The following PCDHGB2 variants were observed in gnomAD, a reference collection of about 807,000 sequenced individuals.
The protein encoded by PCDHGB2 is protocadherin gamma-B2.
A neutral mutation model predicts 59.3 loss-of-function variants in PCDHGB2; 55 were observed. That is an observed-to-expected ratio of 0.93 (90% confidence interval 0.75 to 1.16). The LOEUF is 1.16. Ranked by LOEUF, PCDHGB2 falls within the 50% of genes most tolerant of loss-of-function variation. The pLI, the probability that PCDHGB2 is intolerant of heterozygous loss-of-function variation, is 0.00. For synonymous variants in PCDHGB2, 516 were observed against 512.0 expected, an observed-to-expected ratio of 1.01 and a Z score of -0.11; for missense variants, 1,228 against 1,198.5, an observed-to-expected ratio of 1.02 and a Z score of -0.36.
chr5:141,389,006 C>G, intron 1 of PCDHGB2: 1 of 1,613,986 alleles, frequency 6.2e-7, no homozygotes, highest in South Asian at 1.1e-5. Context: ...ACAAGGATTC[C>G]AGACACAATG....
Position 141,489,764 on chromosome 5 carries a change from A to G in PCDHGB2, c.2422-5043A>G. ...GTGAGCTTTTACACTCTAAGCCCCA[A>G]CAGCCACTTCTCTCTGAATGTGAAG... is the stretch of plus-strand genomic sequence containing the variant. On this transcript the variant is annotated intron_variant, in intron 1 of 3. Transcript: ENST00000522605. The surrounding 1 kb of genome is among the most constrained non-coding windows in gnomAD (Gnocchi z 4.5). 2 of 1,613,556 alleles carry G rather than the reference A, an allele frequency of 1.2e-6. No homozygotes were observed. The highest frequency in any genetic ancestry group is 1.7e-6 in the Non-Finnish European group (2 of 1,179,894).
At chr5:141,393,447 C>T (rs753693736) in intron 1 of PCDHGB2, 3 of 1,614,052 alleles carry the variant, frequency 1.9e-6, no homozygotes, top group East Asian at 4.5e-5. Context: ...CCACCTGGTC[C>T]TCACGGCCTC....
chr5:141,417,771 C>G, intron 1 of PCDHGB2: 1 of 1,456,488 alleles, frequency 6.9e-7, no homozygotes, highest in Non-Finnish European at 9.1e-7. Flanking sequence ...CGGGACTCCT[C>G]CTGTCCTGGG....
rs766387243 is a variant in PCDHGB2 at position 141,489,017 on chromosome 5, TCTC to T, written c.2422-5782_2422-5780del. The stretch of plus-strand genomic sequence containing the variant: ...GGGAGATCTGCTCTTCCAGCCCGCC[TCTC>T]CTCCTCCAGCTCCCCAGCTCCACTC... On this transcript the variant is annotated intron_variant, in intron 1 of 3. Transcript: ENST00000522605. This position sits in a 1 kb window ranked among gnomAD's most constrained non-coding sequence, Gnocchi z 4.5. 2 of 435,354 alleles carry T rather than the reference TCTC, an allele frequency of 4.6e-6. No individual in the cohort carries two copies. Among genetic ancestry groups the T allele is most frequent in the Non-Finnish European group, 8.1e-6 (2 of 247,876 alleles). The allele number at this position is 435,354 out of a possible 1,614,324, so 27.0% of individuals were successfully genotyped here. A position where few individuals can be genotyped will look rare whatever the true frequency, so the allele number is the denominator to read the frequency against.
chr5:141,364,354 G>C (rs1256054518), intron 1 of PCDHGB2: 1 of 1,554,444 alleles, frequency 6.4e-7, no homozygotes, highest in Non-Finnish European at 8.7e-7. Context: ...CTAGGGGCTG[G>C]GGCTGCGGAG....
intron 1 of PCDHGB2, chr5:141,422,047 A>G: frequency 6.2e-7 from 1 of 1,611,610 alleles, no homozygotes; most frequent in Non-Finnish European, 8.5e-7. Context: ...AGACGAGGGA[A>G]TCAACGGGGA....
intron 1 of PCDHGB2, among the ~76,000 whole-genome samples, chr5:141,454,379 T>A (rs770736083): frequency 1.2e-3 from 179 of 152,316 alleles, no homozygotes; most frequent in Non-Finnish European, 2.1e-3. Flanking sequence ...TGGCAACTTG[T>A]CAAGATGAAG....
intron 1 of PCDHGB2, among the ~76,000 whole-genome samples, chr5:141,492,876 G>A (rs2099744774): frequency 6.6e-6 from 1 of 152,184 alleles, no homozygotes; most frequent in African/African-American, 2.4e-5. Context: ...TCAACCCCCA[G>A]AGATACAGGC....
At chr5:141,499,247 A>C (rs908111927) in intron 2 of PCDHGB2, among the ~76,000 whole-genome samples, 1 of 152,036 alleles carries the variant, frequency 6.6e-6, no homozygotes, top group Non-Finnish European at 1.5e-5. Flanking sequence ...CTCTGCACAA[A>C]GAGTCTCCAT....
intron 1 of PCDHGB2, chr5:141,417,697 C>T: frequency 8.8e-7 from 1 of 1,140,966 alleles, no homozygotes; most frequent in Non-Finnish European, 1.2e-6. Context: ...AAAACCAGCT[C>T]CCACACAGAG....
At chr5:141,458,567 TTTTGTTTG>T (rs144471304) in intron 1 of PCDHGB2, among the ~76,000 whole-genome samples, 1 of 151,488 alleles carries the variant, frequency 6.6e-6, no homozygotes, top group Non-Finnish European at 1.5e-5. Flanking sequence ...GGTTTTGGGT[TTTTGTTTG>T]TTTGTTTGTT....
chr5:141,401,235 A>G (rs1444346000), intron 1 of PCDHGB2, among the ~76,000 whole-genome samples: 1 of 152,120 alleles, frequency 6.6e-6, no homozygotes, highest in East Asian at 1.9e-4. Context: ...CCAGCTACTC[A>G]GGAGGCTAAG....
intron 1 of PCDHGB2, chr5:141,414,747 C>T (rs556012378): frequency 6.2e-7 from 1 of 1,614,214 alleles, no homozygotes; most frequent in African/African-American, 1.3e-5. Flanking sequence ...TCAGATCCTT[C>T]GACTATGAGC....
chr5:141,487,459 T>A lies in PCDHGB2; in HGVS notation c.2422-7348T>A. The A allele has an allele frequency of 1.2e-6, 2 of 1,614,102 alleles. No homozygotes were observed. Among genetic ancestry groups the A allele is most frequent in the Non-Finnish European group, 1.7e-6 (2 of 1,180,008 alleles). On this transcript the variant is annotated intron_variant, in intron 1 of 3. Transcript: ENST00000522605. The surrounding 1 kb of genome is among the most constrained non-coding windows in gnomAD (Gnocchi z 5.0). ...TAGGGTCAGATGACCCTATCAAGTT[T>A]GTTGATGTGGGAGGCCACTCTCATG...
intron 1 of PCDHGB2, chr5:141,385,485 A>G: frequency 7.1e-7 from 1 of 1,418,146 alleles, no homozygotes; most frequent in Admixed American, 3.0e-5. Flanking sequence ...AATATAGAAC[A>G]CATAGGATAT....
At chr5:141,381,099 T>C (rs1284355665) in intron 1 of PCDHGB2, among the ~76,000 whole-genome samples, 1 of 152,230 alleles carries the variant, frequency 6.6e-6, no homozygotes, top group East Asian at 1.9e-4. Flanking sequence ...AAACAGAATG[T>C]CCTTCAAAGT....
At chr5:141,460,035 A>G (rs1246945474) in intron 1 of PCDHGB2, among the ~76,000 whole-genome samples, 1 of 152,140 alleles carries the variant, frequency 6.6e-6, no homozygotes, top group Non-Finnish European at 1.5e-5. Context: ...CCGAGACTGC[A>G]CCACTGCACT....
chr5:141,485,632 G>T lies in PCDHGB2; in HGVS notation c.2422-9175G>T. The T allele has an allele frequency of 6.2e-7, 1 of 1,611,766 alleles. No homozygotes were observed. Among genetic ancestry groups the T allele is most frequent in the Non-Finnish European group, 8.5e-7 (1 of 1,178,342 alleles). The stretch of plus-strand genomic sequence containing the variant: ...CAGCTCCTCCAGGACAGCGTTTCCC[G>T]TTGGAAAAGGCTCAGGATGCAGATG... On this transcript the variant is annotated intron_variant, in intron 1 of 3. Coordinates refer to ENST00000522605, the MANE Select transcript of PCDHGB2 (RefSeq NM_018923.3). This position sits in a 1 kb window ranked among gnomAD's most constrained non-coding sequence, Gnocchi z 5.7.
At position 141,432,716 on chromosome 5, in the gene PCDHGB2, C is replaced by A; in HGVS notation, c.2422-62091C>A. 6.2e-7 allele frequency: 1 copy of A among 1,614,030 alleles called. No individual in the cohort carries two copies. The highest frequency in any genetic ancestry group is 1.1e-5 in the South Asian group (1 of 91,084). ...GGCCGTCCAGGACCACGGCCAGCCC[C>A]CTCTCTCCGCCACTGTCACGCTCAC... On this transcript the variant is annotated intron_variant, in intron 1 of 3. Transcript: ENST00000522605. This position sits in a 1 kb window ranked among gnomAD's most constrained non-coding sequence, Gnocchi z 6.0.
Sources: gnomAD v4.1 joint callset for allele counts (sites outside exome capture counted in the v4.1 genomes callset) on GRCh38, gnomAD v4.1.1 for gene constraint, Gnocchi (gnomAD v3.1) non-coding constraint, MANE v1.5 for transcripts, NCBI Gene and HGNC (gene_info 2026-07-23, HGNC 2026-07-21) for gene names.